The following PXN variants were observed in gnomAD, a reference collection of about 807,000 sequenced individuals.
PXN encodes the protein testicular tissue protein Li 134.
PXN carries 61 observed loss-of-function variants against 103.6 expected under a neutral mutation model. That is an observed-to-expected ratio of 0.59 (90% CI 0.48 to 0.73). The LOEUF (loss-of-function observed/expected upper bound fraction) is 0.73. Among genes scored for constraint, PXN ranks in the 30% least tolerant of loss-of-function variants. The pLI is 0.00. For missense variants in PXN, 1,274 were observed against 1,460.3 expected, an observed-to-expected ratio of 0.87 and a Z score of 2.08; for synonymous variants, 562 against 607.8, an observed-to-expected ratio of 0.92 and a Z score of 1.11.
At position 120,220,428 on chromosome 12, in the gene PXN, G is replaced by A. The variant is rs758334162; in HGVS notation, c.832-337C>T. On this transcript the variant is annotated intron_variant, in intron 6 of 14. Coordinates refer to ENST00000637617, the MANE Select transcript of PXN (RefSeq NM_001385981.1). This position sits in a 1 kb window ranked among gnomAD's most constrained non-coding sequence, Gnocchi z 6.1. ...ACAGCCCCAGGCACAAATGGAGGGA[G>A]AGCCAGCCCCAGGGGCTGCTGAACC... Among the ~76,000 whole-genome samples, 6 of 152,220 alleles carry A rather than the reference G, an allele frequency of 3.9e-5. No homozygotes were observed. The highest frequency in any genetic ancestry group is 5.9e-5 in the Non-Finnish European group (4 of 67,988).
intron 1 of PXN, among the ~76,000 whole-genome samples, chr12:120,254,759 C>T (rs1470893492): frequency 1.3e-5 from 2 of 152,136 alleles, no homozygotes; most frequent in Non-Finnish European, 2.9e-5. Context: ...CCATGTTGGC[C>T]AGGCTGGTCT....
chr12:120,222,895 G>A lies in PXN; in HGVS notation c.461C>T (p.Ala154Val). 2 of 1,613,986 alleles carry A rather than the reference G, an allele frequency of 1.2e-6. No homozygotes were observed. Among genetic ancestry groups the A allele is most frequent in the Non-Finnish European group, 1.7e-6 (2 of 1,179,874 alleles). ...GAAGCCTGGCGGGTTATGCTGTACA[G>A]CGTTCAGTTCCAGCAGCAGGCGGTC... ...ELDRLLLELN[A>V]VQHNPPGFPA... Residue 154 changes from alanine to valine, a missense_variant, in exon 4 of 15, where the codon GCT becomes GTT. Physicochemically the swap from Ala to Val is moderately conservative, Grantham distance 64. Coordinates refer to ENST00000637617, the MANE Select transcript of PXN (RefSeq NM_001385981.1). The surrounding 1 kb of genome is among the most constrained non-coding windows in gnomAD (Gnocchi z 4.7).
intron 1 of PXN, among the ~76,000 whole-genome samples, chr12:120,244,466 G>A (rs1158482413): frequency 6.6e-6 from 1 of 151,952 alleles, no homozygotes; most frequent in Non-Finnish European, 1.5e-5. Flanking sequence ...CTAACACGGT[G>A]AAACCCCGTC....
chr12:120,212,078 G>A lies in PXN; in HGVS notation c.*236C>T, dbSNP rs781119381. ...CCCAGCCTCTACCCCTGGGGAGGAT[G>A]GAGAGTGGGCAGCCTAGGGAGAGCT... On this transcript the variant is annotated 3_prime_UTR_variant, in exon 15 of 15. Transcript: ENST00000637617. This position sits in a 1 kb window ranked among gnomAD's most constrained non-coding sequence, Gnocchi z 7.2. The A allele has an allele frequency of 1.3e-6, 1 of 745,778 alleles. No individual in the cohort carries two copies. Among genetic ancestry groups the A allele is most frequent in the South Asian group, 1.4e-5 (1 of 73,716 alleles). The allele number at this position is 745,778 out of a possible 1,614,324, so 46.2% of individuals were successfully genotyped here.
At chr12:120,246,971 T>C (rs1891277260) in intron 1 of PXN, among the ~76,000 whole-genome samples, 1 of 151,646 alleles carries the variant, frequency 6.6e-6, no homozygotes. Flanking sequence ...GACACTGTAG[T>C]AAGCCATGAC....
At chr12:120,246,417 C>T (rs1167168817) in intron 1 of PXN, among the ~76,000 whole-genome samples, 4 of 150,764 alleles carry the variant, frequency 2.7e-5, no homozygotes, top group South Asian at 4.2e-4. Flanking sequence ...ATCCCAGTTC[C>T]TCCAGAGGCT....
Position 120,216,437 on chromosome 12 carries a change from G to T in PXN, c.2137C>A (p.Leu713Met). 7.3e-7 allele frequency: 1 copy of T among 1,377,660 alleles called. No individual in the cohort carries two copies. The highest frequency in any genetic ancestry group is 1.8e-5 in the South Asian group (1 of 56,718). The allele number at this position is 1,377,660 out of a possible 1,614,324, so 85.3% of individuals were successfully genotyped here. The change falls in exon 9 of 15, where the codon CTG becomes ATG. Residue 713 changes from leucine to methionine, a missense_variant. Coordinates refer to ENST00000637617, the MANE Select transcript of PXN (RefSeq NM_001385981.1). The surrounding 1 kb of genome is among the most constrained non-coding windows in gnomAD (Gnocchi z 5.1). ...PLPSLLASSP[L>M]GPSAYTCGSS... ...CCACAGGTATAAGCTGAGGGCCCCA[G>T]GGGGGAGGAGGCGAGCAGGCTGGGC...
intron 1 of PXN, among the ~76,000 whole-genome samples, chr12:120,255,425 C>T (rs1213057098): frequency 2.0e-5 from 3 of 152,098 alleles, no homozygotes; most frequent in Non-Finnish European, 2.9e-5. Flanking sequence ...AGGCCGGGCG[C>T]GGTGGCTCAC....
rs1272569933 is a variant in PXN at position 120,221,117 on chromosome 12, G to C, written c.831+506C>G. ...CCTGGAGGGCGAGAGGGAAGGATGG[G>C]AGAAGAGTAGCAAGGGAGGCTTGTG... On this transcript the variant is annotated intron_variant, in intron 6 of 14. Transcript: ENST00000637617. The surrounding 1 kb of genome is among the most constrained non-coding windows in gnomAD (Gnocchi z 6.6). Among the ~76,000 whole-genome samples, 6 of 152,200 alleles carry C rather than the reference G, an allele frequency of 3.9e-5. No homozygotes were observed. The highest frequency in any genetic ancestry group is 8.8e-5 in the Non-Finnish European group (6 of 68,032).
chr12:120,216,662 C>G lies in PXN; in HGVS notation c.1993-81G>C. On this transcript the variant is annotated intron_variant, in intron 8 of 14. Transcript: ENST00000637617. The surrounding 1 kb of genome is among the most constrained non-coding windows in gnomAD (Gnocchi z 5.1). ...AGGGGTGGCGGGACCTCCCCAGGCTCCCCCTGGGCCTTCCCACTCTGCACC... is the reference window on the plus strand; with the variant it reads ...AGGGGTGGCGGGACCTCCCCAGGCTGCCCCTGGGCCTTCCCACTCTGCACC... 1.3e-6 allele frequency: 2 copies of G among 1,567,114 alleles called. No homozygotes were observed. Among genetic ancestry groups the G allele is most frequent in the Non-Finnish European group, 1.7e-6 (2 of 1,170,632 alleles).
rs746424624 is a variant in PXN at position 120,219,832 on chromosome 12, C to G, written c.1091G>C (p.Arg364Thr). The change falls in exon 7 of 15, where the codon AGG (arginine) becomes ACG (threonine). Residue 364 changes from arginine to threonine, a missense_variant. Around this residue, in one of 2 missense-constraint regions of PXN, gnomAD observed 1,178 missense variants for 1,309.0 expected, o/e 0.90. Coordinates refer to ENST00000637617, the MANE Select transcript of PXN (RefSeq NM_001385981.1). This position sits in a 1 kb window ranked among gnomAD's most constrained non-coding sequence, Gnocchi z 6.5. The stretch of plus-strand genomic sequence containing the variant: ...CAGAGAACCCTCCACAGAGGGAGAC[C>G]TTGAGTTGAAGGTGTCAGGCATCAC... Reference protein sequence around the residue: ...LGVMPDTFNSRSPSVEGSLWA... With the variant: ...LGVMPDTFNSTSPSVEGSLWA... 107 of 1,598,308 alleles carry G rather than the reference C, an allele frequency of 6.7e-5. No homozygotes were observed. In the African/African-American group the frequency reaches 1.3e-3, roughly 20 times the overall value.
chr12:120,214,729 C>G lies in PXN; in HGVS notation c.2748+96G>C. ...GCCCTGTGAGCCTCGGGCATGTGAC[C>G]TCTCTGAGCCTCCCACGGCACCCCC... is the stretch of plus-strand genomic sequence containing the variant. On this transcript the variant is annotated intron_variant, in intron 12 of 14. Transcript: ENST00000637617. This position sits in a 1 kb window ranked among gnomAD's most constrained non-coding sequence, Gnocchi z 5.0. The G allele has an allele frequency of 3.3e-6, 5 of 1,499,274 alleles. No homozygotes were observed. Among genetic ancestry groups the G allele is most frequent in the Non-Finnish European group, 4.6e-6 (5 of 1,098,576 alleles). The allele number at this position is 1,499,274 out of a possible 1,614,324, so 92.9% of individuals were successfully genotyped here.
chr12:120,212,775 G>A lies in PXN; in HGVS notation c.2980-195C>T, dbSNP rs1880692612. The A allele has an allele frequency of 1.7e-6, 1 of 573,536 alleles. No individual in the cohort carries two copies. The highest frequency in any genetic ancestry group is 1.9e-5 in the African/African-American group (1 of 52,660). 35.5% of individuals were successfully genotyped at this position (573,536 alleles called of 1,614,324 possible). ...AAATAAATTTTTTTTGTAGAGATGG[G>A]GGTCTCACTATATTGCCCATGCTGG... On this transcript the variant is annotated intron_variant, in intron 14 of 14. Transcript: ENST00000637617. This position sits in a 1 kb window ranked among gnomAD's most constrained non-coding sequence, Gnocchi z 7.2.
In PXN at chr12:120,213,502, G is replaced by A. The variant is rs1482662000; in HGVS notation, c.2979+340C>T. Among the ~76,000 whole-genome samples the A allele has an allele frequency of 2.0e-5, 3 of 152,248 alleles. No homozygotes were observed. Among genetic ancestry groups the A allele is most frequent in the Admixed American group, 1.3e-4 (2 of 15,292 alleles). On this transcript the variant is annotated intron_variant, in intron 14 of 14. Coordinates refer to ENST00000637617, the MANE Select transcript of PXN (RefSeq NM_001385981.1). This position sits in a 1 kb window ranked among gnomAD's most constrained non-coding sequence, Gnocchi z 4.2. ...ACCCCTGTGGGGCCCCCAGAATGCA[G>A]TGGTTTTGGAAACCACTGCCCATTT...
At chr12:120,264,762 C>T (rs887639708) in intron 1 of PXN, among the ~76,000 whole-genome samples, 1 of 152,236 alleles carries the variant, frequency 6.6e-6, no homozygotes, top group Non-Finnish European at 1.5e-5. Flanking sequence ...TGGGGCCCAC[C>T]TTCCACCTCA....
rs1046153740 is a variant in PXN at position 120,215,813 on chromosome 12, G to A, written c.2302-152C>T. ...CCAAAATTGGGGGAAAAAATCTGGA[G>A]AAAAAGAGCCCTGAGAGAGAGGCCT... On this transcript the variant is annotated intron_variant, in intron 9 of 14. Transcript: ENST00000637617. This position sits in a 1 kb window ranked among gnomAD's most constrained non-coding sequence, Gnocchi z 4.9. 6.0e-5 allele frequency: 77 copies of A among 1,286,724 alleles called. No homozygotes were observed. Among genetic ancestry groups the A allele is most frequent in the Non-Finnish European group, 7.4e-5 (72 of 974,474 alleles). 79.7% of individuals were successfully genotyped at this position (1,286,724 alleles called of 1,614,324 possible).
Position 120,224,093 on chromosome 12 carries a change from C to T in PXN, c.240+58G>A. The T allele has an allele frequency of 7.3e-7, 1 of 1,375,972 alleles. No homozygotes were observed. The highest frequency in any genetic ancestry group is 9.9e-7 in the Non-Finnish European group (1 of 1,014,670). 85.2% of individuals were successfully genotyped at this position (1,375,972 alleles called of 1,614,324 possible). A position where few individuals can be genotyped will look rare whatever the true frequency, so the allele number is the denominator to read the frequency against. On this transcript the variant is annotated intron_variant, in intron 2 of 14. Transcript: ENST00000637617. The surrounding 1 kb of genome is among the most constrained non-coding windows in gnomAD (Gnocchi z 5.0). Reference sequence around the variant, plus strand: ...CCCTGGCTCCCTAAGCCCCTGCCAGCTAAGTTCCCTCTGTCCCCCAGCCTC... The same window carrying T: ...CCCTGGCTCCCTAAGCCCCTGCCAGTTAAGTTCCCTCTGTCCCCCAGCCTC...
chr12:120,265,579 C>T lies in PXN; in HGVS notation c.13+38G>A. 1 of 1,481,132 alleles carries T rather than the reference C, an allele frequency of 6.8e-7. No homozygotes were observed. The allele number at this position is 1,481,132 out of a possible 1,614,324, so 91.7% of individuals were successfully genotyped here. On this transcript the variant is annotated intron_variant, in intron 1 of 14. Transcript: ENST00000637617. The surrounding 1 kb of genome is among the most constrained non-coding windows in gnomAD (Gnocchi z 5.7). ...GCCCTCCTGGCCCCAAGCTGCGCGC[C>T]TCTCGCCTCCTCCTCCCTCGGCCTC...
chr12:120,224,005 CGTGGT>C lies in PXN; in HGVS notation c.240+141_240+145del. ...AACCACTTGGTCACTGTTCCACTCA[CGTGGT>C]GAGTGGGAAGAGCAGTGTCTGGTTG... On this transcript the variant is annotated intron_variant, in intron 2 of 14. Transcript: ENST00000637617. The surrounding 1 kb of genome is among the most constrained non-coding windows in gnomAD (Gnocchi z 5.0). The C allele has an allele frequency of 1.3e-6, 1 of 798,876 alleles. No homozygotes were observed. The highest frequency in any genetic ancestry group is 2.0e-6 in the Non-Finnish European group (1 of 507,394). The allele number at this position is 798,876 out of a possible 1,614,324, so 49.5% of individuals were successfully genotyped here. A position where few individuals can be genotyped will look rare whatever the true frequency, so the allele number is the denominator to read the frequency against.
Sources: gnomAD v4.1 joint callset for allele counts (sites outside exome capture counted in the v4.1 genomes callset) on GRCh38, gnomAD v4.1.1 for gene constraint, gnomAD v4.1.1 regional missense constraint, Gnocchi (gnomAD v3.1) non-coding constraint, MANE v1.5 for transcripts, NCBI Gene and HGNC (gene_info 2026-07-23, HGNC 2026-07-21) for gene names.